ALK: variants seen among roughly 807,000 people sequenced by gnomAD.
The protein encoded by ALK is ALK receptor tyrosine kinase, also known as ALK tyrosine kinase receptor.
ALK carries 74 observed loss-of-function variants against 163.1 expected under a neutral mutation model. The ratio of observed to expected loss-of-function variants is 0.45; its 90% confidence interval spans 0.38 to 0.55. ALK has a LOEUF of 0.55. Among genes scored for constraint, ALK ranks in the 20% least tolerant of loss-of-function variants. The pLI, the probability that ALK is intolerant of heterozygous loss-of-function variation, is 0.00. For missense variants in ALK, 2,063 were observed against 2,105.3 expected (o/e 0.98, Z 0.39); for synonymous variants, 960 against 843.2 (o/e 1.14, Z -2.40).
intron 1 of ALK, among the ~76,000 whole-genome samples, chr2:29,887,435 C>G (rs577179128): frequency 6.6e-6 from 1 of 152,178 alleles, no homozygotes; most frequent in Non-Finnish European, 1.5e-5. Flanking sequence ...GAAAGCTGCA[C>G]GACCTTTTCT....
chr2:29,234,017 T>C (rs574223556), intron 13 of ALK, among the ~76,000 whole-genome samples: 28 of 152,178 alleles, frequency 1.8e-4, no homozygotes, highest in African/African-American at 6.5e-4. Context: ...GTTTTTGTTT[T>C]TTTCACAGAG....
intron 1 of ALK, among the ~76,000 whole-genome samples, chr2:29,740,303 A>G (rs140001798): frequency 2.0e-5 from 3 of 152,138 alleles, no homozygotes; most frequent in Non-Finnish European, 2.9e-5. Context: ...ATTCAATGAA[A>G]AAAAGGAAGA....
intron 1 of ALK, among the ~76,000 whole-genome samples, chr2:29,917,850 A>G (rs1667877261): frequency 6.6e-6 from 1 of 152,188 alleles, no homozygotes; most frequent in Non-Finnish European, 1.5e-5. Context: ...TGCTTGGCCA[A>G]ATTTTCTTGC....
chr2:29,760,947 C>A (rs1448635754), intron 1 of ALK, among the ~76,000 whole-genome samples: 1 of 152,206 alleles, frequency 6.6e-6, no homozygotes, highest in Non-Finnish European at 1.5e-5. Flanking sequence ...CCTGCCCCTT[C>A]TGTCCCAAGG....
At chr2:29,802,024 T>C (rs1664478651) in intron 1 of ALK, among the ~76,000 whole-genome samples, 1 of 152,162 alleles carries the variant, frequency 6.6e-6, no homozygotes, top group Non-Finnish European at 1.5e-5. Flanking sequence ...CCTCTTGTTC[T>C]GTAAGGAAAA....
At chr2:29,753,671 T>G (rs140142382) in intron 1 of ALK, among the ~76,000 whole-genome samples, 85 of 152,330 alleles carry the variant, frequency 5.6e-4, no homozygotes, top group African/African-American at 1.9e-3. Context: ...TGCTACCTGC[T>G]CTAAGGTCCA....
intron 1 of ALK, chr2:29,890,495 T>A (rs1385732684): frequency 6.6e-6 from 1 of 152,242 alleles, no homozygotes; most frequent in Admixed American, 6.5e-5. Flanking sequence ...GGGGACAGGA[T>A]TGCCTTTTCA....
chr2:29,689,470 A>AGT (rs1678332940), intron 3 of ALK, among the ~76,000 whole-genome samples: 1 of 152,204 alleles, frequency 6.6e-6, no homozygotes, highest in Non-Finnish European at 1.5e-5. Flanking sequence ...GAACATGGCA[A>AGT]ACTTTTGGGG....
intron 4 of ALK, among the ~76,000 whole-genome samples, chr2:29,428,791 G>A (rs1670205421): frequency 6.6e-6 from 1 of 151,918 alleles, no homozygotes; most frequent in South Asian, 2.1e-4. Flanking sequence ...ACCAGAACCA[G>A]ACAAAGTTAT....
intron 4 of ALK, among the ~76,000 whole-genome samples, chr2:29,442,026 G>A (rs1558325564): frequency 6.6e-6 from 1 of 152,158 alleles, no homozygotes; most frequent in Non-Finnish European, 1.5e-5. Flanking sequence ...GAGCTCGCTG[G>A]TTTCATCATT....
At chr2:29,715,735 A>C (rs1213796362) in intron 2 of ALK, among the ~76,000 whole-genome samples, 1 of 152,234 alleles carries the variant, frequency 6.6e-6, no homozygotes, top group African/African-American at 2.4e-5. Context: ...GTTGTATCGC[A>C]AATCTGGTTA....
intron 1 of ALK, among the ~76,000 whole-genome samples, chr2:29,886,696 A>G (rs1434017812): frequency 6.6e-6 from 1 of 152,202 alleles, no homozygotes; most frequent in Admixed American, 6.5e-5. Context: ...TAACTTCCAG[A>G]AGTTCACTTT....
chr2:29,259,979 A>C (rs540591707), intron 11 of ALK, among the ~76,000 whole-genome samples: 2 of 152,286 alleles, frequency 1.3e-5, no homozygotes, highest in African/African-American at 4.8e-5. Context: ...TAGAGAAGGA[A>C]ATTTAGAATT....
Position 29,751,490 on chromosome 2 carries a change from T to C in ALK, c.668-33793A>G, listed in dbSNP as rs117252805. 9.9e-5 allele frequency among the ~76,000 whole-genome samples: 15 copies of C among 152,272 alleles called. No individual in the cohort carries two copies. In the East Asian group the frequency reaches 2.9e-3, roughly 29 times the overall value. On this transcript the variant is annotated intron_variant, in intron 1 of 28. Coordinates refer to ENST00000389048, the MANE Select transcript of ALK (RefSeq NM_004304.5). Reference sequence around the variant, plus strand: ...TCTGCCTGCCCCATGGTCTCGGGGATGGGAAAGGCGTTGAGTTGTGTGTTT... The same window carrying C: ...TCTGCCTGCCCCATGGTCTCGGGGACGGGAAAGGCGTTGAGTTGTGTGTTT...
chr2:29,858,765 G>A (rs1309362450), intron 1 of ALK, among the ~76,000 whole-genome samples: 2 of 150,958 alleles, frequency 1.3e-5, no homozygotes, highest in Non-Finnish European at 2.9e-5. Context: ...AAGGTCAGGT[G>A]CTGTGGTTCA....
intron 3 of ALK, among the ~76,000 whole-genome samples, chr2:29,583,024 G>C (rs1674760311): frequency 7.6e-6 from 1 of 131,366 alleles, no homozygotes; most frequent in Non-Finnish European, 1.6e-5. Flanking sequence ...CACCATGCCT[G>C]GCTAACTTTT....
chr2:29,406,706 C>A (rs1669592716), intron 4 of ALK, among the ~76,000 whole-genome samples: 1 of 152,054 alleles, frequency 6.6e-6, no homozygotes, highest in Admixed American at 6.6e-5. Context: ...TCGAGACCAT[C>A]CTGGCCAACA....
intron 1 of ALK, among the ~76,000 whole-genome samples, chr2:29,866,725 G>T (rs966529789): frequency 1.3e-5 from 2 of 152,198 alleles, no homozygotes; most frequent in Admixed American, 1.3e-4. Context: ...AATTAAAGGG[G>T]TTGAGAGATA....
rs185329062 is a variant in ALK at position 29,327,180 on chromosome 2, T to A, written c.1414+1170A>T. On this transcript the variant is annotated intron_variant, in intron 6 of 28. Transcript: ENST00000389048. The stretch of plus-strand genomic sequence containing the variant: ...CATGTTCAAGTGCAGGAGCACCAGC[T>A]GGGAGTCTACTCCGCCCCGACTGCC... 3.6e-3 allele frequency among the ~76,000 whole-genome samples: 550 copies of A among 152,344 alleles called. 1 individual carries two copies. Among genetic ancestry groups the A allele is most frequent in the African/African-American group, 0.013 (524 of 41,578 alleles).
Sources: gnomAD v4.1 joint callset for allele counts (sites outside exome capture counted in the v4.1 genomes callset) on GRCh38, gnomAD v4.1.1 for gene constraint, MANE v1.5 for transcripts, NCBI Gene and HGNC (gene_info 2026-07-23, HGNC 2026-07-21) for gene names.